Variants in ERI1 observed in about 807,000 individuals in gnomAD.
The protein encoded by ERI1 is 3'-5' exoribonuclease 1.
ERI1 carries 39 observed loss-of-function variants against 39.7 expected under a neutral mutation model. The observed-to-expected ratio is 0.98, with a 90% CI of 0.76 to 1.28. The LOEUF (loss-of-function observed/expected upper bound fraction) is 1.28. Ranked by LOEUF, ERI1 falls within the 50% of genes most tolerant of loss-of-function variation. The pLI is 0.00. For synonymous variants in ERI1, 204 were observed against 149.6 expected (o/e 1.36, Z -2.65); for missense variants, 581 against 416.9 (o/e 1.39, Z -3.43).
At chr8:9,028,483 C>G (rs905819715) in intron 6 of ERI1, among the ~76,000 whole-genome samples, 8 of 152,064 alleles carry the variant, frequency 5.3e-5, no homozygotes, top group Non-Finnish European at 1.0e-4. Flanking sequence ...CCCAGTAACC[C>G]TATGAGTAAA....
At chr8:9,060,136 A>G (rs1798645474) in intron 3 of ERI1, among the ~76,000 whole-genome samples, 1 of 152,174 alleles carries the variant, frequency 6.6e-6, no homozygotes. Flanking sequence ...GGTAAGGGGT[A>G]CGAAGTTTCC....
intron 3 of ERI1, among the ~76,000 whole-genome samples, chr8:9,016,018 A>T (rs1381972965): frequency 6.6e-6 from 1 of 152,140 alleles, no homozygotes; most frequent in African/African-American, 2.4e-5. Flanking sequence ...AATGCGCTTT[A>T]TAGTTTTAAA....
intron 3 of ERI1, among the ~76,000 whole-genome samples, chr8:9,042,055 C>G (rs1309694027): frequency 6.6e-6 from 1 of 152,106 alleles, no homozygotes; most frequent in Non-Finnish European, 1.5e-5. Flanking sequence ...AAATGAACAA[C>G]CTAACAGAGT....
chr8:9,003,283 G>A, intron 1 of ERI1, 112 bp downstream of exon 1: 1 of 604,010 alleles, frequency 1.7e-6, no homozygotes, highest in Non-Finnish European at 2.4e-6. Flanking sequence ...GTGCGCCCTT[G>A]GACCCCAGCC....
At chr8:9,058,199 CTGGAGCTGG>C (rs2117390026) in intron 3 of ERI1, among the ~76,000 whole-genome samples, 1 of 152,312 alleles carries the variant, frequency 6.6e-6, no homozygotes, top group Non-Finnish European at 1.5e-5. Flanking sequence ...TCACGTGGCC[CTGGAGCTGG>C]TGAGTGAAAA....
chr8:9,020,295 G>T (rs1585212570), intron 5 of ERI1, 55 bp from the exon 6 acceptor site: 1 of 895,424 alleles, frequency 1.1e-6, no homozygotes, highest in East Asian at 2.9e-5. Context: ...ATACTCATTT[G>T]TAAGAATAGC....
chr8:9,018,513 G>T (rs367674649), intron 5 of ERI1, 107 bp downstream of exon 5: 8 of 639,590 alleles, frequency 1.3e-5, no homozygotes, highest in Non-Finnish European at 2.1e-5. Flanking sequence ...AGAGACCCTA[G>T]AGTCTCACCC....
downstream of ERI1, among the ~76,000 whole-genome samples, chr8:9,034,704 A>G (rs1380545402): frequency 2.6e-5 from 4 of 152,204 alleles, no homozygotes; most frequent in Non-Finnish European, 4.4e-5. Context: ...AGTGGCCTCT[A>G]AGTGTTCAGG....
intron 3 of ERI1, among the ~76,000 whole-genome samples, chr8:9,061,275 C>T (rs1415028838): frequency 6.6e-6 from 1 of 152,032 alleles, no homozygotes; most frequent in Non-Finnish European, 1.5e-5. Context: ...CAGCCAGATA[C>T]AGTTATGAGG....
At chr8:9,009,464 G>A (rs1302907610) in intron 2 of ERI1, among the ~76,000 whole-genome samples, 2 of 152,202 alleles carry the variant, frequency 1.3e-5, no homozygotes, top group African/African-American at 4.8e-5. Context: ...TATGGTTTCT[G>A]CAACATGATC....
chr8:9,077,820 A>G (rs1400534031), intron 3 of ERI1, among the ~76,000 whole-genome samples: 5 of 152,184 alleles, frequency 3.3e-5, no homozygotes, highest in African/African-American at 1.2e-4. Context: ...GCCCCTCCGC[A>G]GGTACTCTCT....
intron 3 of ERI1, among the ~76,000 whole-genome samples, chr8:9,077,493 C>T (rs1006463223): frequency 8.7e-6 from 1 of 115,248 alleles, no homozygotes; most frequent in African/African-American, 3.8e-5. Context: ...CTGACTGACG[C>T]TTTTATACCC....
chr8:9,021,553 T>C (rs765672520), intron 6 of ERI1, among the ~76,000 whole-genome samples: 27 of 152,064 alleles, frequency 1.8e-4, no homozygotes, highest in Non-Finnish European at 3.1e-4. Context: ...AAAAGTAGAG[T>C]TTTGCCGATT....
chr8:9,022,370 G>C (rs146964329), intron 6 of ERI1, among the ~76,000 whole-genome samples: 21 of 152,112 alleles, frequency 1.4e-4, no homozygotes, highest in African/African-American at 5.1e-4. Flanking sequence ...GATTATATTT[G>C]ATAATCTTTT....
At chr8:9,025,111 A>C (rs1818331174) in intron 6 of ERI1, among the ~76,000 whole-genome samples, 1 of 152,154 alleles carries the variant, frequency 6.6e-6, no homozygotes, top group Admixed American at 6.5e-5. Flanking sequence ...CTTTTCTTGA[A>C]GTCAGATTCT....
At chr8:9,022,653 G>C (rs568821532) in intron 6 of ERI1, among the ~76,000 whole-genome samples, 3 of 152,278 alleles carry the variant, frequency 2.0e-5, no homozygotes, top group African/African-American at 7.2e-5. Context: ...GCCCGCCTCG[G>C]CCTCCCAAAG....
In ERI1 at chr8:9,007,968, A is replaced by G. The variant is rs141307506; in HGVS notation, c.109-2A>G. On this transcript the variant is annotated splice_acceptor_variant, in intron 1 of 6. Coordinates refer to ENST00000250263, the MANE Select transcript of ERI1 (RefSeq NM_153332.4). LOFTEE classifies it high-confidence loss of function. ...TTTTTTTTTTTTTTTTTTTTTTGGT[A>G]GGAAACTCAACAGTGTAAATTTGAT... is the stretch of plus-strand genomic sequence containing the variant. 742 of 1,007,374 alleles carry G rather than the reference A, an allele frequency of 7.4e-4. 1 individual carries two copies. The highest frequency in any genetic ancestry group is 8.8e-4 in the Non-Finnish European group (647 of 737,164). 62.4% of individuals were successfully genotyped at this position (1,007,374 alleles called of 1,614,324 possible). A position where few individuals can be genotyped will look rare whatever the true frequency, so the allele number is the denominator to read the frequency against.
chr8:9,035,228 CTAAT>C (rs1797804508), downstream of ERI1, among the ~76,000 whole-genome samples: 1 of 152,324 alleles, frequency 6.6e-6, no homozygotes, highest in Non-Finnish European at 1.5e-5. Flanking sequence ...GCTAAGATAA[CTAAT>C]GAAGGTGGCC....
chr8:9,081,264 G>A (rs1799357064), intron 3 of ERI1, among the ~76,000 whole-genome samples: 1 of 152,170 alleles, frequency 6.6e-6, no homozygotes, highest in African/African-American at 2.4e-5. Flanking sequence ...AGATTTGGGT[G>A]GGGACACAGA....
Sources: allele counts gnomAD v4.1 joint callset (sites outside exome capture counted in the v4.1 genomes callset), GRCh38; gene constraint gnomAD v4.1.1; transcripts MANE v1.5; gene names NCBI Gene and HGNC (gene_info 2026-07-23, HGNC 2026-07-21).